RAP1GDS1: variants seen among roughly 807,000 people sequenced by gnomAD.
RAP1GDS1 encodes the protein RAP1, GTP-GDP dissociation stimulator 1.
Under a neutral mutation model 71.1 loss-of-function variants are expected in RAP1GDS1, and 35 were observed. The ratio of observed to expected loss-of-function variants is 0.49; its 90% CI spans 0.38 to 0.65. The LOEUF (loss-of-function observed/expected upper bound fraction) is 0.65. Among genes scored for constraint, RAP1GDS1 ranks in the 30% least tolerant of loss-of-function variants. RAP1GDS1 has a pLI of 0.00. For synonymous variants in RAP1GDS1, 229 were observed against 243.1 expected (o/e 0.94, Z 0.54); for missense variants, 663 against 706.1 (o/e 0.94, Z 0.69).
At chr4:98,303,285 A>G (rs1204716003) in intron 2 of RAP1GDS1, among the ~76,000 whole-genome samples, 1 of 152,170 alleles carries the variant, frequency 6.6e-6, no homozygotes, top group Non-Finnish European at 1.5e-5. Context: ...GCACTGTTTA[A>G]TACAGTAGTC....
intron 1 of RAP1GDS1, among the ~76,000 whole-genome samples, chr4:98,274,411 G>A (rs868102247): frequency 6.6e-6 from 1 of 152,084 alleles, no homozygotes; most frequent in South Asian, 2.1e-4. Context: ...GACATTACTG[G>A]TTCAGTGATA....
At chr4:98,287,626 A>G (rs1192814680) in intron 1 of RAP1GDS1, among the ~76,000 whole-genome samples, 1 of 152,208 alleles carries the variant, frequency 6.6e-6, no homozygotes, top group Non-Finnish European at 1.5e-5. Context: ...GGTGTGTAAC[A>G]TTTATGAAAT....
At chr4:98,290,913 A>T (rs1360547081) in intron 1 of RAP1GDS1, among the ~76,000 whole-genome samples, 1 of 152,116 alleles carries the variant, frequency 6.6e-6, no homozygotes, top group Non-Finnish European at 1.5e-5. Context: ...GGAAGAGAAG[A>T]GGCTCTGTGC....
chr4:98,276,889 A>C lies in RAP1GDS1; in HGVS notation c.4+15320A>C, dbSNP rs147314924. 6.1e-3 allele frequency among the ~76,000 whole-genome samples: 930 copies of C among 152,250 alleles called. 10 individuals are homozygous for C. The highest frequency in any genetic ancestry group is 0.021 in the African/African-American group (888 of 41,548). Reference sequence around the variant, plus strand: ...TCAGATGGCTGGTTTTGGAAATGGAAAAATATTGTGAGATCTGGAACCTCA... The same window carrying C: ...TCAGATGGCTGGTTTTGGAAATGGACAAATATTGTGAGATCTGGAACCTCA... On this transcript the variant is annotated intron_variant, in intron 1 of 14. Coordinates refer to ENST00000408927, the MANE Select transcript of RAP1GDS1 (RefSeq NM_001100427.2).
In RAP1GDS1 at chr4:98,267,992, C is replaced by T. The variant is rs1248291245; in HGVS notation, c.4+6423C>T. Reference sequence around the variant, plus strand: ...GTGTAAAAACATTCTCTTTTCTCCACAGCCTTACAGCATCTGTTTTTTGTT... The same window carrying T: ...GTGTAAAAACATTCTCTTTTCTCCATAGCCTTACAGCATCTGTTTTTTGTT... On this transcript the variant is annotated intron_variant, in intron 1 of 14. Transcript: ENST00000408927. Among the ~76,000 whole-genome samples the T allele has an allele frequency of 3.9e-5, 6 of 152,298 alleles. No homozygotes were observed. The South Asian group carries it at 1.2e-3, about 32-fold the overall frequency.
intron 12 of RAP1GDS1, among the ~76,000 whole-genome samples, chr4:98,432,183 A>G (rs1358155509): frequency 6.6e-6 from 1 of 152,198 alleles, no homozygotes; most frequent in Non-Finnish European, 1.5e-5. Context: ...AGATGAAAGT[A>G]TACCTGGCCA....
chr4:98,401,382 G>A (rs536580092), intron 6 of RAP1GDS1, among the ~76,000 whole-genome samples: 2 of 152,282 alleles, frequency 1.3e-5, no homozygotes, highest in East Asian at 3.9e-4. Flanking sequence ...AAAGATGATG[G>A]AGAGTATGGT....
At chr4:98,357,399 A>G (rs1426142902) in intron 4 of RAP1GDS1, among the ~76,000 whole-genome samples, 1 of 151,952 alleles carries the variant, frequency 6.6e-6, no homozygotes, top group Non-Finnish European at 1.5e-5. Context: ...CATCATGTGT[A>G]TAAGAATAAA....
intron 6 of RAP1GDS1, among the ~76,000 whole-genome samples, chr4:98,400,810 G>A (rs1745301442): frequency 1.3e-5 from 2 of 152,076 alleles, no homozygotes; most frequent in East Asian, 1.9e-4. Flanking sequence ...TAACACCACA[G>A]TGTACCCCAT....
At position 98,279,989 on chromosome 4, in the gene RAP1GDS1, T is replaced by G. The variant is rs1172602518; in HGVS notation, c.5-13419T>G. On this transcript the variant is annotated intron_variant, in intron 1 of 14. Transcript: ENST00000408927. ...ATCCATGGTGTATATGTGCCACATT[T>G]TCTTAATCTAGTCTATCATTGGTGG... 2.0e-5 allele frequency among the ~76,000 whole-genome samples: 3 copies of G among 152,232 alleles called. No homozygotes were observed. The East Asian group carries it at 5.8e-4, about 29-fold the overall frequency.
intron 12 of RAP1GDS1, among the ~76,000 whole-genome samples, chr4:98,432,275 AGT>A (rs1275227175): frequency 2.6e-5 from 4 of 152,332 alleles, no homozygotes; most frequent in African/African-American, 9.6e-5. Flanking sequence ...TGGTCTTTTA[AGT>A]GTGATTAGAA....
At chr4:98,394,666 T>C (rs1744250402) in intron 6 of RAP1GDS1, among the ~76,000 whole-genome samples, 1 of 152,050 alleles carries the variant, frequency 6.6e-6, no homozygotes, top group Admixed American at 6.6e-5. Context: ...GAGAGGAAAA[T>C]TCATTTATCT....
chr4:98,388,632 A>G (rs1743131681), intron 5 of RAP1GDS1, among the ~76,000 whole-genome samples: 1 of 152,202 alleles, frequency 6.6e-6, no homozygotes, highest in South Asian at 2.1e-4. Context: ...AGGCTGAGGC[A>G]AGAGAAGTGC....
chr4:98,310,504 A>G (rs1251078249), intron 2 of RAP1GDS1, among the ~76,000 whole-genome samples: 1 of 152,194 alleles, frequency 6.6e-6, no homozygotes, highest in East Asian at 1.9e-4. Context: ...TGATTCCAGT[A>G]CTTAATTCAG....
At chr4:98,320,273 T>C (rs1731615277) in intron 2 of RAP1GDS1, among the ~76,000 whole-genome samples, 1 of 152,206 alleles carries the variant, frequency 6.6e-6, no homozygotes, top group African/African-American at 2.4e-5. Context: ...ACACATATAC[T>C]TACTCATTTT....
chr4:98,374,396 A>G (rs181256359), intron 4 of RAP1GDS1, among the ~76,000 whole-genome samples: 2 of 152,202 alleles, frequency 1.3e-5, no homozygotes, highest in East Asian at 1.9e-4. Context: ...ATTCATGGAT[A>G]TTATTCAGTT....
chr4:98,385,374 A>C (rs1391814053), intron 5 of RAP1GDS1, among the ~76,000 whole-genome samples: 1 of 151,774 alleles, frequency 6.6e-6, no homozygotes, highest in African/African-American at 2.4e-5. Flanking sequence ...TTGATCATGC[A>C]CAAATTTTTA....
chr4:98,436,911 G>A (rs748793852), intron 13 of RAP1GDS1, 29 bp from the exon 14 acceptor site: 40 of 1,562,012 alleles, frequency 2.6e-5, no homozygotes, highest in South Asian at 1.0e-4. Flanking sequence ...GGGTTCGTAC[G>A]CAGTAGATAT....
intron 1 of RAP1GDS1, among the ~76,000 whole-genome samples, chr4:98,262,279 C>T (rs149484223): frequency 2.0e-3 from 305 of 152,326 alleles, no homozygotes; most frequent in African/African-American, 7.1e-3. Flanking sequence ...TCTTCTGTAG[C>T]AGGAAACTGC....
Sources: gnomAD v4.1 joint callset for allele counts (sites outside exome capture counted in the v4.1 genomes callset) on GRCh38, gnomAD v4.1.1 for gene constraint, MANE v1.5 for transcripts, NCBI Gene and HGNC (gene_info 2026-07-23, HGNC 2026-07-21) for gene names.